RAB3C: variants seen among roughly 807,000 people sequenced by gnomAD.
RAB3C encodes the protein RAB3C, member RAS oncogene family.
Under a neutral mutation model 26.4 loss-of-function variants are expected in RAB3C, and 17 were observed. The observed-to-expected ratio is 0.64, with a 90% CI of 0.44 to 0.97. The LOEUF (loss-of-function observed/expected upper bound fraction) is 0.97, where lower values mean the gene tolerates loss of function less well. RAB3C is among the 50% of genes least tolerant of loss of function. The pLI, the probability that RAB3C is intolerant of heterozygous loss-of-function variation, is 0.00. For missense variants in RAB3C, 242 were observed against 281.9 expected (o/e 0.86, Z 1.01); for synonymous variants, 91 against 95.9 (o/e 0.95, Z 0.30).
chr5:58,607,022 G>C (rs946760467), intron 1 of RAB3C, among the ~76,000 whole-genome samples: 1 of 152,164 alleles, frequency 6.6e-6, no homozygotes, highest in South Asian at 2.1e-4. Flanking sequence ...AAAGATCGCA[G>C]CTCCTTGCCA....
intron 3 of RAB3C, among the ~76,000 whole-genome samples, chr5:58,757,332 G>T (rs373507008): frequency 5.5e-3 from 831 of 150,826 alleles, no homozygotes; most frequent in African/African-American, 0.019. Context: ...GCATTTAAGT[G>T]CCATGTCTCT....
intron 2 of RAB3C, among the ~76,000 whole-genome samples, chr5:58,673,572 A>G (rs929305758): frequency 8.5e-5 from 13 of 152,152 alleles, no homozygotes; most frequent in Admixed American, 6.6e-4. Flanking sequence ...CTAAAAAGAC[A>G]TCATACATTT....
intron 1 of RAB3C, among the ~76,000 whole-genome samples, chr5:58,592,196 GC>G (rs1297266277): frequency 6.6e-6 from 1 of 152,092 alleles, no homozygotes; most frequent in African/African-American, 2.4e-5. Context: ...ACTGCACCCA[GC>G]CCTCTATGTT....
chr5:58,605,852 C>T (rs982776019), intron 1 of RAB3C, among the ~76,000 whole-genome samples: 5 of 152,120 alleles, frequency 3.3e-5, no homozygotes, highest in African/African-American at 1.2e-4. Context: ...TTGCGGTGAG[C>T]CAAGATCGTG....
At chr5:58,640,172 G>C (rs957078653) in intron 2 of RAB3C, among the ~76,000 whole-genome samples, 1 of 152,208 alleles carries the variant, frequency 6.6e-6, no homozygotes, top group African/African-American at 2.4e-5. Flanking sequence ...AGAAAGGGGA[G>C]CAGCCTCTCC....
At position 58,585,737 on chromosome 5, in the gene RAB3C, A is replaced by G. The variant is rs113641301; in HGVS notation, c.24+2505A>G. 3.7e-3 allele frequency among the ~76,000 whole-genome samples: 557 copies of G among 152,220 alleles called. 4 individuals are homozygous for G. Among genetic ancestry groups the G allele is most frequent in the African/African-American group, 0.013 (523 of 41,566 alleles). ...AGGTAGTTATCTTTGATATGTGCCT[A>G]TTTTATGAAGAGTATTTCTTTCTGA... On this transcript the variant is annotated intron_variant, in intron 1 of 4. Coordinates refer to ENST00000282878, the MANE Select transcript of RAB3C (RefSeq NM_138453.4).
intron 3 of RAB3C, among the ~76,000 whole-genome samples, chr5:58,803,248 T>C (rs979457190): frequency 6.6e-6 from 1 of 152,224 alleles, no homozygotes; most frequent in Non-Finnish European, 1.5e-5. Flanking sequence ...TCAGAAGCAC[T>C]AAACTGGCAA....
intron 1 of RAB3C, among the ~76,000 whole-genome samples, chr5:58,587,805 G>T (rs1175414844): frequency 6.6e-6 from 1 of 152,098 alleles, no homozygotes; most frequent in African/African-American, 2.4e-5. Flanking sequence ...CGGGTTAGCT[G>T]TGGGATTTTC....
chr5:58,616,189 A>G (rs1242503907), intron 1 of RAB3C, among the ~76,000 whole-genome samples: 1 of 152,194 alleles, frequency 6.6e-6, no homozygotes, highest in African/African-American at 2.4e-5. Context: ...CTAGCATTGT[A>G]CAATAGAGTT....
At chr5:58,667,457 G>A (rs559430526) in intron 2 of RAB3C, among the ~76,000 whole-genome samples, 2 of 152,268 alleles carry the variant, frequency 1.3e-5, no homozygotes, top group African/African-American at 4.8e-5. Flanking sequence ...TAGGACAAAA[G>A]CCAAATGAAA....
At chr5:58,616,039 C>T (rs758174140) in intron 1 of RAB3C, among the ~76,000 whole-genome samples, 24 of 151,432 alleles carry the variant, frequency 1.6e-4, no homozygotes, top group Non-Finnish European at 3.2e-4. Context: ...CAGTGTTGTC[C>T]TAGATGAGGC....
intron 2 of RAB3C, among the ~76,000 whole-genome samples, chr5:58,681,232 T>G (rs1384190040): frequency 6.6e-6 from 1 of 152,176 alleles, no homozygotes; most frequent in Non-Finnish European, 1.5e-5. Context: ...AAAAATTTAA[T>G]CGACAAATAA....
rs1356432776 is a variant in RAB3C, at chr5:58,858,215, A to G, written c.*6864A>G. 1 of 152,296 alleles carries G rather than the reference A, an allele frequency of 6.6e-6. No homozygotes were observed. The highest frequency in any genetic ancestry group is 2.1e-4 in the South Asian group (1 of 4,826). 9.4% of individuals were successfully genotyped at this position (152,296 alleles called of 1,614,324 possible). A position where few individuals can be genotyped will look rare whatever the true frequency, so the allele number is the denominator to read the frequency against. On this transcript the variant is annotated 3_prime_UTR_variant, in exon 5 of 5. Transcript: ENST00000282878. ...TCTATGTGGGTGATATGTGGCCTGA[A>G]TGTAACTGTGATAGACTGAAATTTG...
At chr5:58,725,943 C>T in intron 2 of RAB3C, 59 bp from the exon 3 acceptor site, 3 of 994,050 alleles carry the variant, frequency 3.0e-6, no homozygotes, top group South Asian at 3.4e-5. Flanking sequence ...TTATTAATCA[C>T]TTCCCAAAAA....
rs780026124 is a variant in RAB3C at position 58,851,355 on chromosome 5, C to G, written c.*4C>G. ...GCAGCCCAACTGTGCCTGCTAGTGT[C>G]CCCGTGCACACAGGCAGCTCCAGGG... is the stretch of plus-strand genomic sequence containing the variant. On this transcript the variant is annotated 3_prime_UTR_variant, in exon 5 of 5. Coordinates refer to ENST00000282878, the MANE Select transcript of RAB3C (RefSeq NM_138453.4). 1.3e-6 allele frequency: 2 copies of G among 1,584,652 alleles called. No individual in the cohort carries two copies. The highest frequency in any genetic ancestry group is 1.9e-5 in the Admixed American group (1 of 53,932).
intron 2 of RAB3C, among the ~76,000 whole-genome samples, chr5:58,665,521 CTATT>C (rs1401137237): frequency 6.6e-6 from 1 of 152,038 alleles, no homozygotes; most frequent in Non-Finnish European, 1.5e-5. Flanking sequence ...AAACAGAAGA[CTATT>C]TATTAGTACC....
At chr5:58,800,577 T>C (rs1326322676) in intron 3 of RAB3C, among the ~76,000 whole-genome samples, 2 of 152,184 alleles carry the variant, frequency 1.3e-5, no homozygotes, top group Non-Finnish European at 2.9e-5. Flanking sequence ...ACGCTGTGCT[T>C]CTGTGCTGCC....
At chr5:58,669,397 C>G (rs1748067561) in intron 2 of RAB3C, among the ~76,000 whole-genome samples, 1 of 152,076 alleles carries the variant, frequency 6.6e-6, no homozygotes, top group Non-Finnish European at 1.5e-5. Flanking sequence ...CAGACCACAC[C>G]CAGAGACTAA....
At chr5:58,715,748 G>T (rs1258876429) in intron 2 of RAB3C, among the ~76,000 whole-genome samples, 1 of 152,088 alleles carries the variant, frequency 6.6e-6, no homozygotes, top group African/African-American at 2.4e-5. Flanking sequence ...CATCATACAA[G>T]ACGATGAGAG....
Sources: allele counts gnomAD v4.1 joint callset (sites outside exome capture counted in the v4.1 genomes callset), GRCh38; gene constraint gnomAD v4.1.1; transcripts MANE v1.5; gene names NCBI Gene and HGNC (gene_info 2026-07-23, HGNC 2026-07-21).